PAMR1: variants seen among roughly 807,000 people sequenced by gnomAD.
The protein encoded by PAMR1 is peptidase domain containing associated with muscle regeneration 1, also known as inactive serine protease PAMR1.
PAMR1 carries 88 observed loss-of-function variants against 81.8 expected under a neutral mutation model. The observed-to-expected ratio is 1.08, with a 90% CI of 0.91 to 1.28. The LOEUF (loss-of-function observed/expected upper bound fraction) is 1.28. Among genes scored for constraint, PAMR1 ranks in the 50% most tolerant of loss-of-function variants. The probability of loss-of-function intolerance (pLI) is 0.00; values close to 1 mark genes in which losing one functional copy is unlikely to be tolerated. For synonymous variants in PAMR1, 336 were observed against 345.3 expected (o/e 0.97, Z 0.30); for missense variants, 935 against 919.7 (o/e 1.02, Z -0.21).
chr11:35,498,767 T>C (rs555921367), intron 1 of PAMR1, among the ~76,000 whole-genome samples: 5 of 152,248 alleles, frequency 3.3e-5, no homozygotes, highest in Admixed American at 2.0e-4. Flanking sequence ...ACCTTGGGAC[T>C]CCACATTTGC....
chr11:35,512,151 T>C (rs1193676825), intron 1 of PAMR1, among the ~76,000 whole-genome samples: 1 of 152,240 alleles, frequency 6.6e-6, no homozygotes, highest in South Asian at 2.1e-4. Context: ...TTTTTTATCA[T>C]GTACCCTGAG....
chr11:35,519,481 T>C (rs1444442285), intron 1 of PAMR1, among the ~76,000 whole-genome samples: 1 of 152,210 alleles, frequency 6.6e-6, no homozygotes, highest in South Asian at 2.1e-4. Context: ...CAAACAGACA[T>C]GTGATTTGGA....
At chr11:35,494,792 G>A (rs967980827) in intron 1 of PAMR1, among the ~76,000 whole-genome samples, 4 of 152,170 alleles carry the variant, frequency 2.6e-5, no homozygotes, top group Non-Finnish European at 5.9e-5. Context: ...TTAAAACCAC[G>A]CATGGGAGCA....
chr11:35,437,965 C>T (rs1351241995), intron 8 of PAMR1, among the ~76,000 whole-genome samples: 2 of 152,198 alleles, frequency 1.3e-5, no homozygotes, highest in African/African-American at 4.8e-5. Context: ...GGGTGAAAGA[C>T]TGATGGATAT....
chr11:35,519,041 A>G (rs1364241277), intron 1 of PAMR1, among the ~76,000 whole-genome samples: 7 of 152,202 alleles, frequency 4.6e-5, no homozygotes, highest in Admixed American at 4.6e-4. Flanking sequence ...AACCTCAGAG[A>G]GGGCAATGAT....
At chr11:35,526,708 T>C (rs1243083060), upstream of PAMR1, among the ~76,000 whole-genome samples, 2 of 152,210 alleles carry the variant, frequency 1.3e-5, no homozygotes, top group African/African-American at 4.8e-5. Flanking sequence ...CACTAGGCTA[T>C]AGAGCTTCTT....
intron 9 of PAMR1, 72 bp from the exon 10 acceptor site, chr11:35,434,876 C>T: frequency 6.9e-7 from 1 of 1,449,984 alleles, no homozygotes; most frequent in Non-Finnish European, 9.5e-7. Flanking sequence ...GTCACTTAAC[C>T]AGAGAGCACA....
At chr11:35,441,440 T>A in intron 7 of PAMR1, 41 bp downstream of exon 7, 2 of 1,465,520 alleles carry the variant, frequency 1.4e-6, no homozygotes, top group Middle Eastern at 4.8e-4. Flanking sequence ...GTCTAGCAAC[T>A]TCATCAATGT....
intron 3 of PAMR1, among the ~76,000 whole-genome samples, chr11:35,477,910 T>A (rs1011472125): frequency 5.3e-5 from 8 of 152,094 alleles, no homozygotes; most frequent in African/African-American, 1.9e-4. Context: ...CTCACACTCC[T>A]CATCGCCCCC....
chr11:35,489,245 G>A (rs1335144604), intron 3 of PAMR1, among the ~76,000 whole-genome samples: 1 of 152,102 alleles, frequency 6.6e-6, no homozygotes, highest in Non-Finnish European at 1.5e-5. Context: ...CTTATCTCAT[G>A]TGGAACTCAC....
intron 1 of PAMR1, among the ~76,000 whole-genome samples, chr11:35,503,572 T>A (rs601295): frequency 0.31 from 47,471 of 151,916 alleles, 7,496 homozygotes; most frequent in African/African-American, 0.37. Context: ...ATAGTTTTCC[T>A]TGTATAGCTC....
Position 35,441,699 on chromosome 11 carries a change from A to G in PAMR1, c.821-6T>C. 2 of 1,567,654 alleles carry G rather than the reference A, an allele frequency of 1.3e-6. No homozygotes were observed. The highest frequency in any genetic ancestry group is 2.7e-5 in the African/African-American group (2 of 73,004). On this transcript the variant is annotated splice_region_variant and splice_polypyrimidine_tract_variant and intron_variant, in intron 6 of 10. Transcript: ENST00000619888. ...GCAGTTTCTTTCTTCAAGGACTAAAAGAAAGTAAAAGAAAAGGAGAATTGT... is the reference window on the plus strand; with the variant it reads ...GCAGTTTCTTTCTTCAAGGACTAAAGGAAAGTAAAAGAAAAGGAGAATTGT...
chr11:35,470,941 G>A (rs933820946), intron 4 of PAMR1, 123 bp from the exon 5 acceptor site: 26 of 686,618 alleles, frequency 3.8e-5, no homozygotes, highest in Non-Finnish European at 5.3e-5. Context: ...TGGCCTGATC[G>A]GATAGGAAAA....
chr11:35,465,943 T>C (rs1054962133), intron 6 of PAMR1, among the ~76,000 whole-genome samples: 3 of 152,236 alleles, frequency 2.0e-5, no homozygotes, highest in Admixed American at 2.0e-4. Flanking sequence ...GAATCTGTTT[T>C]GACTCACAAG....
intron 3 of PAMR1, among the ~76,000 whole-genome samples, chr11:35,479,114 G>A (rs1850335829): frequency 6.6e-6 from 1 of 152,208 alleles, no homozygotes; most frequent in Admixed American, 6.5e-5. Flanking sequence ...TTGGTGCAGG[G>A]GAGGGGATTG....
At chr11:35,451,665 T>C (rs553601437) in intron 6 of PAMR1, among the ~76,000 whole-genome samples, 27 of 152,278 alleles carry the variant, frequency 1.8e-4, no homozygotes, top group African/African-American at 6.3e-4. Context: ...GAAGGTACAA[T>C]GTACTGAATG....
At chr11:35,460,824 A>G (rs1277175292) in intron 6 of PAMR1, among the ~76,000 whole-genome samples, 1 of 152,140 alleles carries the variant, frequency 6.6e-6, no homozygotes, top group African/African-American at 2.4e-5. Context: ...TTTTGGGTAT[A>G]TACCTAGTAA....
chr11:35,508,725 T>C (rs1380541508), intron 1 of PAMR1, among the ~76,000 whole-genome samples: 1 of 140,802 alleles, frequency 7.1e-6, no homozygotes, highest in Non-Finnish European at 1.6e-5. Context: ...TGTCCATTGT[T>C]CCCTTGTGGA....
intron 6 of PAMR1, among the ~76,000 whole-genome samples, chr11:35,461,894 G>A (rs970794081): frequency 4.6e-5 from 7 of 152,242 alleles, no homozygotes; most frequent in Admixed American, 3.3e-4. Flanking sequence ...AAGTACATGC[G>A]GGTAATAGCC....
Sources: gnomAD v4.1 joint callset for allele counts (sites outside exome capture counted in the v4.1 genomes callset) on GRCh38, gnomAD v4.1.1 for gene constraint, MANE v1.5 for transcripts, NCBI Gene and HGNC (gene_info 2026-07-23, HGNC 2026-07-21) for gene names.